The following ARL8A variants were observed in gnomAD, a reference collection of about 807,000 sequenced individuals.
ARL8A encodes ARF like GTPase 8A, also known as ADP-ribosylation factor-like protein 8A.
ARL8A carries 10 observed loss-of-function variants against 31.2 expected under a neutral mutation model. The observed-to-expected ratio is 0.32, with a 90% CI of 0.20 to 0.54. The LOEUF (loss-of-function observed/expected upper bound fraction) is 0.54, where lower values mean the gene tolerates loss of function less well. Ranked by LOEUF, ARL8A falls within the 20% of genes least tolerant of loss-of-function variation. The pLI is 0.93. For missense variants in ARL8A, 129 were observed against 242.8 expected (o/e 0.53, Z 3.12); for synonymous variants, 70 against 86.9 (o/e 0.81, Z 1.08).
rs1382967034 is a variant in ARL8A, at chr1:202,144,069, C to G, written c.123+381G>C. ...CCTCTACCCGCGGGACAGGAAGGCC[C>G]GTGCACTTTCGCCCCGTCATGCCCC... is the stretch of plus-strand genomic sequence containing the variant. On this transcript the variant is annotated intron_variant, in intron 1 of 6. Coordinates refer to ENST00000272217, the MANE Select transcript of ARL8A (RefSeq NM_138795.4). The surrounding 1 kb of genome is among the most constrained non-coding windows in gnomAD (Gnocchi z 5.2). 2.0e-5 allele frequency among the ~76,000 whole-genome samples: 3 copies of G among 152,222 alleles called. No individual in the cohort carries two copies. The highest frequency in any genetic ancestry group is 4.4e-5 in the Non-Finnish European group (3 of 68,034).
chr1:202,142,818 G>A (rs1655196074), intron 1 of ARL8A, among the ~76,000 whole-genome samples: 2 of 152,056 alleles, frequency 1.3e-5, no homozygotes, highest in Non-Finnish European at 2.9e-5. Flanking sequence ...GAACCCACCC[G>A]GGTACCTGTG....
In ARL8A at chr1:202,139,220, A is replaced by G. The variant is rs555017477; in HGVS notation, c.124-772T>C. On this transcript the variant is annotated intron_variant, in intron 1 of 6. Transcript: ENST00000272217. The stretch of plus-strand genomic sequence containing the variant: ...ATAAGGCCAGACCCAACTCCCTCCC[A>G]GGTCATATCTCCATGTTCACAGGTA... Among the ~76,000 whole-genome samples, 3 of 152,294 alleles carry G rather than the reference A, an allele frequency of 2.0e-5. 1 individual carries two copies. The South Asian group carries it at 6.2e-4, about 32-fold the overall frequency.
intron 1 of ARL8A, among the ~76,000 whole-genome samples, chr1:202,143,511 C>A (rs1269966741): frequency 3.3e-5 from 5 of 152,198 alleles, no homozygotes; most frequent in African/African-American, 1.2e-4. Flanking sequence ...CATGCTTCCT[C>A]GACCCACAAG....
chr1:202,134,432 G>A lies in ARL8A; in HGVS notation c.*35C>T, dbSNP rs750614404. ...GAGCTCGGCTTCAGGTTTAGATGAT[G>A]ACGGTCCCTGGTCTGAGGGAGAAGG... On this transcript the variant is annotated 3_prime_UTR_variant, in exon 7 of 7. Transcript: ENST00000272217. The surrounding 1 kb of genome is among the most constrained non-coding windows in gnomAD (Gnocchi z 4.2). The A allele has an allele frequency of 4.4e-6, 7 of 1,600,828 alleles. No individual in the cohort carries two copies. In the East Asian group the frequency reaches 1.6e-4, roughly 36 times the overall value.
chr1:202,137,119 G>A (rs1212391711), intron 3 of ARL8A, among the ~76,000 whole-genome samples: 1 of 151,746 alleles, frequency 6.6e-6, no homozygotes, highest in Non-Finnish European at 1.5e-5. Flanking sequence ...GCCTCCCAAA[G>A]TGCTGGGATT....
rs576305470 is a variant in ARL8A, at chr1:202,134,231, G to A, written c.*236C>T. 4.5e-4 allele frequency: 243 copies of A among 542,898 alleles called. No homozygotes were observed. Among genetic ancestry groups the A allele is most frequent in the African/African-American group, 4.3e-3 (224 of 52,690 alleles). 33.6% of individuals were successfully genotyped at this position (542,898 alleles called of 1,614,324 possible). ...TGGGAGGGAGGCAGGGCTGGGTGAT[G>A]GGACAAAGGCAGCGGGGAAGGGTGA... On this transcript the variant is annotated 3_prime_UTR_variant, in exon 7 of 7. Transcript: ENST00000272217. This position sits in a 1 kb window ranked among gnomAD's most constrained non-coding sequence, Gnocchi z 4.2.
In ARL8A at chr1:202,144,400, G is replaced by A. The variant is rs771996370; in HGVS notation, c.123+50C>T. On this transcript the variant is annotated intron_variant, in intron 1 of 6. Transcript: ENST00000272217. The surrounding 1 kb of genome is among the most constrained non-coding windows in gnomAD (Gnocchi z 5.2). Reference sequence around the variant, plus strand: ...CAGGGCGCGGCGCGGGCGGGGACAGGCCCGACCCGCGGCCCGCGCCCGGGG... The same window carrying A: ...CAGGGCGCGGCGCGGGCGGGGACAGACCCGACCCGCGGCCCGCGCCCGGGG... 8.0e-7 allele frequency: 1 copy of A among 1,245,866 alleles called. No individual in the cohort carries two copies. Among genetic ancestry groups the A allele is most frequent in the Non-Finnish European group, 1.0e-6 (1 of 964,390 alleles). 77.2% of individuals were successfully genotyped at this position (1,245,866 alleles called of 1,614,324 possible). A position where few individuals can be genotyped will look rare whatever the true frequency, so the allele number is the denominator to read the frequency against.
At position 202,135,577 on chromosome 1, in the gene ARL8A, T is replaced by C. The variant is rs1361530351; in HGVS notation, c.373-51A>G. On this transcript the variant is annotated intron_variant, in intron 4 of 6. Coordinates refer to ENST00000272217, the MANE Select transcript of ARL8A (RefSeq NM_138795.4). The surrounding 1 kb of genome is among the most constrained non-coding windows in gnomAD (Gnocchi z 5.3). ...AGGTCTAGGGCAGCCGTGCCCAGGT[T>C]GTCTGGGTGGTGAGCTGGCCTCCTG... 10 of 1,602,416 alleles carry C rather than the reference T, an allele frequency of 6.2e-6. No homozygotes were observed. Among genetic ancestry groups the C allele is most frequent in the Non-Finnish European group, 8.5e-6 (10 of 1,169,720 alleles).
chr1:202,144,517 T>C lies in ARL8A; in HGVS notation c.56A>G (p.Glu19Gly). 6.7e-7 allele frequency: 1 copy of C among 1,486,400 alleles called. No homozygotes were observed. The highest frequency in any genetic ancestry group is 9.1e-7 in the Non-Finnish European group (1 of 1,100,618). The allele number at this position is 1,486,400 out of a possible 1,614,324, so 92.1% of individuals were successfully genotyped here. The change falls in exon 1 of 7, where the codon GAG (glutamate) becomes GGG (glycine). Residue 19 changes from glutamate to glycine, a missense_variant. Coordinates refer to ENST00000272217, the MANE Select transcript of ARL8A (RefSeq NM_138795.4). This position sits in a 1 kb window ranked among gnomAD's most constrained non-coding sequence, Gnocchi z 5.2. ...LDWFKALFWK[E>G]EMELTLVGLQ... ...CCCGACCAGCGTGAGCTCCATCTCC[T>C]CCTTCCAGAATAGGGCCTTGAACCA...
chr1:202,140,941 G>A (rs768299644), intron 1 of ARL8A, among the ~76,000 whole-genome samples: 1 of 152,084 alleles, frequency 6.6e-6, no homozygotes, highest in African/African-American at 2.4e-5. Flanking sequence ...GAAGGGTTTC[G>A]GTCTCCTAGG....
chr1:202,138,248 G>A lies in ARL8A; in HGVS notation c.204+120C>T. The A allele has an allele frequency of 2.4e-6, 3 of 1,249,454 alleles. No individual in the cohort carries two copies. The highest frequency in any genetic ancestry group is 2.6e-5 in the South Asian group (2 of 77,408). 77.4% of individuals were successfully genotyped at this position (1,249,454 alleles called of 1,614,324 possible). On this transcript the variant is annotated intron_variant, in intron 2 of 6. Coordinates refer to ENST00000272217, the MANE Select transcript of ARL8A (RefSeq NM_138795.4). This position sits in a 1 kb window ranked among gnomAD's most constrained non-coding sequence, Gnocchi z 4.4. Reference sequence around the variant, plus strand: ...CCTCAGCAGGGGGACCCTGGCCTCTGCCCCACTTCAGCTCGCTCCTCCCAG... The same window carrying A: ...CCTCAGCAGGGGGACCCTGGCCTCTACCCCACTTCAGCTCGCTCCTCCCAG...
chr1:202,136,439 C>T (rs2147810788), intron 3 of ARL8A, among the ~76,000 whole-genome samples: 1 of 152,152 alleles, frequency 6.6e-6, no homozygotes, highest in South Asian at 2.1e-4. Context: ...GCCGCCACGC[C>T]CGGCTAATTT....
chr1:202,135,574 G>T lies in ARL8A; in HGVS notation c.373-48C>A. The stretch of plus-strand genomic sequence containing the variant: ...ATGAGGTCTAGGGCAGCCGTGCCCA[G>T]GTTGTCTGGGTGGTGAGCTGGCCTC... On this transcript the variant is annotated intron_variant, in intron 4 of 6. Transcript: ENST00000272217. The surrounding 1 kb of genome is among the most constrained non-coding windows in gnomAD (Gnocchi z 5.3). 1 of 1,604,048 alleles carries T rather than the reference G, an allele frequency of 6.2e-7. No homozygotes were observed. The highest frequency in any genetic ancestry group is 8.5e-7 in the Non-Finnish European group (1 of 1,171,092).
chr1:202,137,529 A>G (rs1655043790), intron 3 of ARL8A, among the ~76,000 whole-genome samples: 1 of 152,096 alleles, frequency 6.6e-6, no homozygotes, highest in Non-Finnish European at 1.5e-5. Flanking sequence ...TGGGATGCTG[A>G]AGTGGGAGAA....
chr1:202,134,142 G>T lies in ARL8A; in HGVS notation c.*325C>A. ...ACACAGGACAATAACAGAGAGTGTT[G>T]AAAAGGGAGGTACAAGAGCGGGCCG... On this transcript the variant is annotated 3_prime_UTR_variant, in exon 7 of 7. Transcript: ENST00000272217. The surrounding 1 kb of genome is among the most constrained non-coding windows in gnomAD (Gnocchi z 4.2). The T allele has an allele frequency of 2.6e-6, 1 of 383,452 alleles. No homozygotes were observed. Among genetic ancestry groups the T allele is most frequent in the South Asian group, 2.7e-5 (1 of 36,856 alleles). The allele number at this position is 383,452 out of a possible 1,614,324, so 23.8% of individuals were successfully genotyped here. A position where few individuals can be genotyped will look rare whatever the true frequency, so the allele number is the denominator to read the frequency against.
intron 1 of ARL8A, among the ~76,000 whole-genome samples, chr1:202,139,238 C>A (rs1655098364): frequency 6.6e-6 from 1 of 152,162 alleles, no homozygotes; most frequent in South Asian, 2.1e-4. Context: ...TCTCCATGTT[C>A]ACAGGTAGGA....
In ARL8A at chr1:202,138,211, CT is replaced by C. The variant is rs1368484928; in HGVS notation, c.204+156del. ...GTCTACCTTAGAAGTCTTCTACTGT[CT>C]TTTCCCAGCTCCTCAGCAGGGGGAC... On this transcript the variant is annotated intron_variant, in intron 2 of 6. Coordinates refer to ENST00000272217, the MANE Select transcript of ARL8A (RefSeq NM_138795.4). The surrounding 1 kb of genome is among the most constrained non-coding windows in gnomAD (Gnocchi z 4.4). Among the ~76,000 whole-genome samples, 1 of 152,074 alleles carries C rather than the reference CT, an allele frequency of 6.6e-6. No individual in the cohort carries two copies. Among genetic ancestry groups the C allele is most frequent in the Non-Finnish European group, 1.5e-5 (1 of 68,026 alleles).
chr1:202,143,923 T>G (rs1474670780), intron 1 of ARL8A, among the ~76,000 whole-genome samples: 1 of 152,092 alleles, frequency 6.6e-6, no homozygotes, highest in Non-Finnish European at 1.5e-5. Flanking sequence ...GGGGGATACC[T>G]CCCCTCCCCC....
rs752428484 is a variant in ARL8A, at chr1:202,135,692, C to T, written c.372+15G>A. 1 of 1,611,872 alleles carries T rather than the reference C, an allele frequency of 6.2e-7. No homozygotes were observed. Among genetic ancestry groups the T allele is most frequent in the South Asian group, 1.1e-5 (1 of 91,020 alleles). ...CCGAGCTCCCTCCCCATCCCGCTCC[C>T]TCAGGTCTGCTGACCGGGATGCCCT... On this transcript the variant is annotated intron_variant, in intron 4 of 6. Coordinates refer to ENST00000272217, the MANE Select transcript of ARL8A (RefSeq NM_138795.4). The surrounding 1 kb of genome is among the most constrained non-coding windows in gnomAD (Gnocchi z 5.3).
Sources: gnomAD v4.1 joint callset for allele counts (sites outside exome capture counted in the v4.1 genomes callset) on GRCh38, gnomAD v4.1.1 for gene constraint, Gnocchi (gnomAD v3.1) non-coding constraint, MANE v1.5 for transcripts, NCBI Gene and HGNC (gene_info 2026-07-23, HGNC 2026-07-21) for gene names.